NRXN1: variants seen among roughly 807,000 people sequenced by gnomAD.
The protein encoded by NRXN1 is neurexin-1.
A neutral mutation model predicts 150.9 loss-of-function variants in NRXN1; 39 were observed. The observed-to-expected ratio is 0.26, with a 90% CI of 0.20 to 0.34. NRXN1 has a LOEUF of 0.34. Ranked by LOEUF, NRXN1 falls within the 10% of genes least tolerant of loss-of-function variation. The probability of loss-of-function intolerance (pLI) is 1.00; values close to 1 mark genes in which losing one functional copy is unlikely to be tolerated. For synonymous variants in NRXN1, 924 were observed against 757.0 expected, an observed-to-expected ratio of 1.22 and a Z score of -3.62; for missense variants, 1,815 against 1,949.9, an observed-to-expected ratio of 0.93 and a Z score of 1.30.
At chr2:50,999,765 C>T (rs142754250) in intron 2 of NRXN1, among the ~76,000 whole-genome samples, 20 of 152,076 alleles carry the variant, frequency 1.3e-4, no homozygotes, top group Admixed American at 5.2e-4. Flanking sequence ...GTAAAACCAT[C>T]ATTAAATCCT....
intron 18 of NRXN1, among the ~76,000 whole-genome samples, chr2:50,189,495 C>A (rs2061318779): frequency 6.6e-6 from 1 of 151,984 alleles, no homozygotes; most frequent in South Asian, 2.1e-4. Flanking sequence ...GCACATGTAT[C>A]CAAGAACTTA....
At chr2:50,260,396 C>G (rs1466097632) in intron 17 of NRXN1, among the ~76,000 whole-genome samples, 2 of 151,790 alleles carry the variant, frequency 1.3e-5, no homozygotes, top group South Asian at 2.1e-4. Context: ...AAGTGTACAA[C>G]TTGCACAAAC....
intron 5 of NRXN1, among the ~76,000 whole-genome samples, chr2:50,843,370 TAAGTC>T (rs1673154680): frequency 6.6e-6 from 1 of 152,218 alleles, no homozygotes; most frequent in Non-Finnish European, 1.5e-5. Context: ...TCCTGTTGTT[TAAGTC>T]TAGTTTTCCT....
intron 5 of NRXN1, among the ~76,000 whole-genome samples, chr2:50,790,636 A>G (rs1436391707): frequency 6.6e-6 from 1 of 152,182 alleles, no homozygotes; most frequent in East Asian, 1.9e-4. Flanking sequence ...AAGCAAAACC[A>G]TAGTGTAAAA....
intron 21 of NRXN1, among the ~76,000 whole-genome samples, chr2:50,045,633 A>G (rs1294210133): frequency 2.6e-5 from 4 of 152,248 alleles, no homozygotes; most frequent in Non-Finnish European, 5.9e-5. Context: ...TTCACAAAGT[A>G]TTACAGAACA....
chr2:50,713,113 G>A (rs901408479), intron 5 of NRXN1, among the ~76,000 whole-genome samples: 1 of 152,022 alleles, frequency 6.6e-6, no homozygotes, highest in African/African-American at 2.4e-5. Flanking sequence ...AGGATTTTGA[G>A]ACCAGCCTGG....
intron 18 of NRXN1, chr2:50,105,291 T>C (rs1011945306): frequency 6.6e-6 from 1 of 152,038 alleles, no homozygotes; most frequent in African/African-American, 2.4e-5. Flanking sequence ...TGCTAGTAAG[T>C]GAAATATTAA....
chr2:50,397,469 C>T (rs960469000), intron 17 of NRXN1, among the ~76,000 whole-genome samples: 4 of 152,020 alleles, frequency 2.6e-5, no homozygotes, highest in African/African-American at 4.8e-5. Flanking sequence ...CTAACAGCAA[C>T]GAGTAGGTGC....
intron 18 of NRXN1, among the ~76,000 whole-genome samples, chr2:50,131,607 G>C (rs1705504815): frequency 6.6e-6 from 1 of 152,120 alleles, no homozygotes; most frequent in South Asian, 2.1e-4. Flanking sequence ...GAAATGCTCT[G>C]TTGCCACTTA....
At chr2:50,914,045 T>A (rs565848716) in intron 5 of NRXN1, among the ~76,000 whole-genome samples, 1 of 151,854 alleles carries the variant, frequency 6.6e-6, no homozygotes, top group African/African-American at 2.4e-5. Flanking sequence ...TAATAGGACA[T>A]ACATTTTAAG....
At chr2:49,924,637 C>T (rs187747668) in intron 22 of NRXN1, among the ~76,000 whole-genome samples, 86 of 152,292 alleles carry the variant, frequency 5.6e-4, no homozygotes, top group Non-Finnish European at 2.4e-4. Flanking sequence ...AAGGAAAACA[C>T]TTTCTTTTTT....
At chr2:50,857,163 T>C (rs752799825) in intron 5 of NRXN1, among the ~76,000 whole-genome samples, 1 of 152,134 alleles carries the variant, frequency 6.6e-6, no homozygotes, top group Non-Finnish European at 1.5e-5. Context: ...AGAGATTATT[T>C]TGATACATTT....
intron 17 of NRXN1, among the ~76,000 whole-genome samples, chr2:50,279,107 A>G (rs1452154486): frequency 6.6e-6 from 1 of 152,160 alleles, no homozygotes; most frequent in African/African-American, 2.4e-5. Context: ...TTTTGTGGGA[A>G]CCACTCTTCA....
intron 17 of NRXN1, among the ~76,000 whole-genome samples, chr2:50,274,074 C>T (rs1026398065): frequency 5.9e-5 from 9 of 152,096 alleles, no homozygotes; most frequent in Non-Finnish European, 2.9e-5. Flanking sequence ...GACACATGCA[C>T]ATGTATGTTT....
chr2:50,841,171 G>A (rs1259070001), intron 5 of NRXN1: 1 of 152,482 alleles, frequency 6.6e-6, no homozygotes, highest in Non-Finnish European at 1.5e-5. Context: ...GACTAAATGT[G>A]GACTTCTATA....
intron 21 of NRXN1, among the ~76,000 whole-genome samples, chr2:50,040,637 A>G (rs1418305123): frequency 2.0e-5 from 3 of 152,072 alleles, no homozygotes; most frequent in Non-Finnish European, 4.4e-5. Flanking sequence ...TTTATATACC[A>G]TCTTCTAAAC....
intron 19 of NRXN1, among the ~76,000 whole-genome samples, chr2:50,078,192 T>G (rs941355706): frequency 6.6e-6 from 1 of 152,126 alleles, no homozygotes; most frequent in Non-Finnish European, 1.5e-5. Flanking sequence ...TAGGTTGCTA[T>G]TCTTCTGGAA....
intron 12 of NRXN1, among the ~76,000 whole-genome samples, chr2:50,519,044 G>A (rs892163818): frequency 5.3e-5 from 8 of 151,946 alleles, no homozygotes; most frequent in African/African-American, 1.9e-4. Flanking sequence ...TTTGCTTAAA[G>A]AAAACAAATT....
rs550765175 is a variant in NRXN1, at chr2:50,278,191, C to A, written c.3365-41221G>T. ...CTTCCCAAGTCAGCATCCCAAGTAG[C>A]TGGGATCACAGACACCACCCACCAC... On this transcript the variant is annotated intron_variant, in intron 17 of 22. Coordinates refer to ENST00000401669, the MANE Select transcript of NRXN1 (RefSeq NM_001330078.2). 1.3e-4 allele frequency among the ~76,000 whole-genome samples: 17 copies of A among 135,970 alleles called. No homozygotes were observed. The East Asian group carries it at 3.5e-3, about 28-fold the overall frequency. 89.2% of individuals were successfully genotyped at this position (135,970 alleles called of 152,430 possible). A position where few individuals can be genotyped will look rare whatever the true frequency, so the allele number is the denominator to read the frequency against.
Sources: allele counts gnomAD v4.1 joint callset (sites outside exome capture counted in the v4.1 genomes callset), GRCh38; gene constraint gnomAD v4.1.1; transcripts MANE v1.5; gene names NCBI Gene and HGNC (gene_info 2026-07-23, HGNC 2026-07-21).